Variants in CAMK2D observed in about 807,000 individuals in gnomAD.
The protein encoded by CAMK2D is calcium/calmodulin dependent protein kinase II delta.
A neutral mutation model predicts 84.0 loss-of-function variants in CAMK2D; 37 were observed. That is an observed-to-expected ratio of 0.44 (90% CI 0.34 to 0.58). CAMK2D has a LOEUF of 0.58. CAMK2D is among the 20% of genes least tolerant of loss of function. The probability of loss-of-function intolerance (pLI) is 0.02; values close to 1 mark genes in which losing one functional copy is unlikely to be tolerated. For synonymous variants in CAMK2D, 202 were observed against 212.5 expected, an observed-to-expected ratio of 0.95 and a Z score of 0.43; for missense variants, 448 against 652.5, an observed-to-expected ratio of 0.69 and a Z score of 3.41.
intron 2 of CAMK2D, among the ~76,000 whole-genome samples, chr4:113,692,686 AT>A (rs2099391216): frequency 1.3e-5 from 2 of 152,018 alleles, no homozygotes; most frequent in East Asian, 1.9e-4. Flanking sequence ...ATACTCATAC[AT>A]ACATACATAT....
intron 4 of CAMK2D, among the ~76,000 whole-genome samples, chr4:113,580,410 T>C (rs1274311707): frequency 6.6e-6 from 1 of 152,240 alleles, no homozygotes; most frequent in Non-Finnish European, 1.5e-5. Flanking sequence ...ATGATAATGT[T>C]ACACATTTAG....
chr4:113,742,049 C>T (rs529567706), intron 2 of CAMK2D, among the ~76,000 whole-genome samples: 1 of 152,294 alleles, frequency 6.6e-6, no homozygotes, highest in African/African-American at 2.4e-5. Flanking sequence ...TGGTACTTAT[C>T]TATCCAAATG....
intron 3 of CAMK2D, among the ~76,000 whole-genome samples, chr4:113,611,966 C>T (rs2154268756): frequency 6.6e-6 from 1 of 152,044 alleles, no homozygotes; most frequent in Admixed American, 6.6e-5. Context: ...TTAATATATA[C>T]ATATTTCCTT....
chr4:113,527,730 GT>G (rs2098429805), intron 8 of CAMK2D, among the ~76,000 whole-genome samples: 1 of 152,134 alleles, frequency 6.6e-6, no homozygotes, highest in Admixed American at 6.5e-5. Context: ...ATAAAAAAAG[GT>G]TTTAAATTTT....
At chr4:113,525,128 C>A (rs957110800) in intron 8 of CAMK2D, among the ~76,000 whole-genome samples, 10 of 152,118 alleles carry the variant, frequency 6.6e-5, no homozygotes, top group African/African-American at 2.2e-4. Flanking sequence ...CCTAAATTCA[C>A]CACACAAGAA....
intron 4 of CAMK2D, among the ~76,000 whole-genome samples, chr4:113,595,005 C>A (rs1163476218): frequency 2.0e-5 from 3 of 152,032 alleles, no homozygotes; most frequent in East Asian, 1.9e-4. Context: ...TACTAAAAAA[C>A]AATCCCTAGG....
chr4:113,651,164 T>C (rs533190008), intron 3 of CAMK2D, among the ~76,000 whole-genome samples: 34 of 152,310 alleles, frequency 2.2e-4, no homozygotes, highest in African/African-American at 7.2e-4. Context: ...TCAAGTCATA[T>C]CACTGTTTAC....
Position 113,623,959 on chromosome 4 carries a change from G to T in CAMK2D, c.221-14753C>A, listed in dbSNP as rs1047384453. On this transcript the variant is annotated intron_variant, in intron 3 of 20. Transcript: ENST00000511664. Reference sequence around the variant, plus strand: ...GAGCCAGGATTTCAAGGTCTTCTTTGGTCCAGAAGTATTTAACTGATAATC... The same window carrying T: ...GAGCCAGGATTTCAAGGTCTTCTTTTGTCCAGAAGTATTTAACTGATAATC... Among the ~76,000 whole-genome samples, 4 of 151,990 alleles carry T rather than the reference G, an allele frequency of 2.6e-5. No individual in the cohort carries two copies. The East Asian group carries it at 5.8e-4, about 22-fold the overall frequency.
chr4:113,692,565 G>T (rs2099390203), intron 2 of CAMK2D, among the ~76,000 whole-genome samples: 1 of 151,148 alleles, frequency 6.6e-6, no homozygotes, highest in East Asian at 1.9e-4. Flanking sequence ...TATTCATATA[G>T]TCATACATAC....
chr4:113,554,679 C>G (rs1591153359), intron 4 of CAMK2D, among the ~76,000 whole-genome samples: 1 of 152,174 alleles, frequency 6.6e-6, no homozygotes, highest in East Asian at 1.9e-4. Context: ...ACTGAATTTT[C>G]TAACTTTAAC....
chr4:113,685,758 A>G (rs991208363), intron 2 of CAMK2D, among the ~76,000 whole-genome samples: 2 of 152,088 alleles, frequency 1.3e-5, no homozygotes, highest in Non-Finnish European at 2.9e-5. Context: ...GTATGGAACC[A>G]GAGAATGAAA....
intron 3 of CAMK2D, among the ~76,000 whole-genome samples, chr4:113,630,919 A>G (rs1399164987): frequency 6.6e-6 from 1 of 152,178 alleles, no homozygotes; most frequent in Non-Finnish European, 1.5e-5. Context: ...TAGAAAGTCT[A>G]CTCAAATACT....
intron 4 of CAMK2D, among the ~76,000 whole-genome samples, chr4:113,552,621 A>T (rs2098636978): frequency 6.6e-6 from 1 of 152,216 alleles, no homozygotes; most frequent in Admixed American, 6.5e-5. Flanking sequence ...TGTATTTGTC[A>T]TTTTACATGA....
chr4:113,707,470 T>C (rs534561293), intron 2 of CAMK2D, among the ~76,000 whole-genome samples: 6 of 152,050 alleles, frequency 3.9e-5, no homozygotes, highest in Non-Finnish European at 8.8e-5. Flanking sequence ...CAGAAGAAAA[T>C]GGCTTAAATC....
At chr4:113,467,155 A>G (rs2097484023) in intron 16 of CAMK2D, among the ~76,000 whole-genome samples, 1 of 152,222 alleles carries the variant, frequency 6.6e-6, no homozygotes, top group Non-Finnish European at 1.5e-5. Flanking sequence ...TATTCCCTTA[A>G]AATCACTGAA....
chr4:113,666,319 G>T (rs988821955), intron 2 of CAMK2D, among the ~76,000 whole-genome samples: 2 of 152,198 alleles, frequency 1.3e-5, no homozygotes, highest in African/African-American at 4.8e-5. Context: ...GTTGGGGGAA[G>T]ATCTAACAGT....
intron 16 of CAMK2D, among the ~76,000 whole-genome samples, chr4:113,499,328 C>A (rs959780820): frequency 2.0e-5 from 3 of 152,112 alleles, no homozygotes; most frequent in African/African-American, 4.8e-5. Context: ...CTACCTCTAG[C>A]AGAGTTAGGT....
At chr4:113,684,515 C>A (rs2099354096) in intron 2 of CAMK2D, among the ~76,000 whole-genome samples, 1 of 152,048 alleles carries the variant, frequency 6.6e-6, no homozygotes, top group South Asian at 2.1e-4. Flanking sequence ...AGAATGATTG[C>A]TTTTTTCTTC....
At chr4:113,516,927 T>C (rs2098292691) in intron 9 of CAMK2D, among the ~76,000 whole-genome samples, 1 of 152,066 alleles carries the variant, frequency 6.6e-6, no homozygotes, top group Non-Finnish European at 1.5e-5. Flanking sequence ...AGTTAAGCCA[T>C]AAAGAGAAAG....
Sources: gnomAD v4.1 joint callset for allele counts (sites outside exome capture counted in the v4.1 genomes callset) on GRCh38, gnomAD v4.1.1 for gene constraint, MANE v1.5 for transcripts, NCBI Gene and HGNC (gene_info 2026-07-23, HGNC 2026-07-21) for gene names.